Variants in IGFBP3 observed in about 807,000 individuals in gnomAD.
IGFBP3 encodes the protein insulin-like growth factor-binding protein 3.
IGFBP3 carries 9 observed loss-of-function variants against 28.6 expected under a neutral mutation model. The observed-to-expected ratio is 0.31, with a 90% CI of 0.19 to 0.55. IGFBP3 has a LOEUF of 0.55. Among genes scored for constraint, IGFBP3 ranks in the 20% least tolerant of loss-of-function variants. IGFBP3 has a pLI of 0.93. For missense variants in IGFBP3, 382 were observed against 428.9 expected, an observed-to-expected ratio of 0.89 and a Z score of 0.97; for synonymous variants, 185 against 188.2, an observed-to-expected ratio of 0.98 and a Z score of 0.14.
At position 45,920,811 on chromosome 7, in the gene IGFBP3, GC is replaced by G; in HGVS notation, c.329del (p.Gly110AlafsTer63). On this transcript the variant is annotated frameshift_variant, in exon 1 of 5. Coordinates refer to ENST00000613132, the MANE Select transcript of IGFBP3 (RefSeq NM_000598.5). LOFTEE classifies it high-confidence loss of function. Reference protein sequence around the residue: ...EARPLQALLDGRGLCVNASAV... With the variant: ...EARPLQALLDXRGLCVNASAV... Reference sequence around the variant, plus strand: ...CACTAGCGTTGACGCAGAGCCCGCGGCCGTCCAGCAGCGCCTGCAGCGGTCG... The same window carrying G: ...CACTAGCGTTGACGCAGAGCCCGCGGCGTCCAGCAGCGCCTGCAGCGGTCG... 1 of 1,408,896 alleles carries G rather than the reference GC, an allele frequency of 7.1e-7. No homozygotes were observed. The highest frequency in any genetic ancestry group is 9.2e-7 in the Non-Finnish European group (1 of 1,090,390). 87.3% of individuals were successfully genotyped at this position (1,408,896 alleles called of 1,614,324 possible). A position where few individuals can be genotyped will look rare whatever the true frequency, so the allele number is the denominator to read the frequency against.
rs1219681404 is a variant in IGFBP3, at chr7:45,920,414, ATC to A, written c.403+322_403+323del. On this transcript the variant is annotated intron_variant, in intron 1 of 4. Coordinates refer to ENST00000613132, the MANE Select transcript of IGFBP3 (RefSeq NM_000598.5). ...TGCACCCCCGTGCGGGGCGAGGAGA[ATC>A]TCCTGTGTCCAGGATCTTTCCAACA... The A allele has an allele frequency of 1.9e-5, 6 of 312,252 alleles. No individual in the cohort carries two copies. In the South Asian group the frequency reaches 4.8e-4, roughly 25 times the overall value. The allele number at this position is 312,252 out of a possible 1,614,324, so 19.3% of individuals were successfully genotyped here.
chr7:45,913,944 C>G (rs551371622), intron 4 of IGFBP3, 110 bp from the exon 5 acceptor site: 9 of 152,342 alleles, frequency 5.9e-5, no homozygotes, highest in African/African-American at 1.9e-4. Context: ...GGCACTAGGC[C>G]TGCAAGTGCA....
At chr7:45,914,747 G>A (rs1286801947) in intron 4 of IGFBP3, 58 bp downstream of exon 4, 24 of 1,564,048 alleles carry the variant, frequency 1.5e-5, no homozygotes, top group East Asian at 2.3e-5. Context: ...CAGCCCCTGA[G>A]GCTGGTCCAA....
intron 1 of IGFBP3, among the ~76,000 whole-genome samples, chr7:45,919,503 C>T (rs1583672663): frequency 6.6e-6 from 1 of 152,168 alleles, no homozygotes. Flanking sequence ...GTGAACAGAG[C>T]CAGCCTTGCC....
chr7:45,917,288 G>T lies in IGFBP3; in HGVS notation c.555C>A (p.Arg185=). Residue 185 remains arginine (R), a synonymous_variant, in exon 2 of 5, where the codon CGC becomes CGA. Coordinates refer to ENST00000613132, the MANE Select transcript of IGFBP3 (RefSeq NM_000598.5). ...IKKGHAKDSQ[R]YKVDYESQST... is the part of the protein sequence containing the mutation. ...TCTGAGACTCGTAGTCAACTTTGTAGCGCTGGCTGTCTTTAGCATGCCCTT... is the reference window on the plus strand; with the variant it reads ...TCTGAGACTCGTAGTCAACTTTGTATCGCTGGCTGTCTTTAGCATGCCCTT... The T allele has an allele frequency of 7.4e-6, 12 of 1,614,094 alleles. No homozygotes were observed. The highest frequency in any genetic ancestry group is 1.0e-5 in the Non-Finnish European group (12 of 1,180,024).
Position 45,921,172 on chromosome 7 carries a change from G to A in IGFBP3, c.-32C>T. 1 of 1,503,490 alleles carries A rather than the reference G, an allele frequency of 6.7e-7. No homozygotes were observed. Among genetic ancestry groups the A allele is most frequent in the South Asian group, 1.2e-5 (1 of 82,378 alleles). The allele number at this position is 1,503,490 out of a possible 1,614,324, so 93.1% of individuals were successfully genotyped here. ...TGCAACCGGGGCACGCTGCTTGGCA[G>A]GCTGGGCGCGCAGGGATGGGGCGAC... is the stretch of plus-strand genomic sequence containing the variant. On this transcript the variant is annotated 5_prime_UTR_variant, in exon 1 of 5. Transcript: ENST00000613132.
chr7:45,915,120 C>A, intron 3 of IGFBP3, 175 bp from the exon 4 acceptor site: 1 of 646,986 alleles, frequency 1.5e-6, no homozygotes, highest in Non-Finnish European at 2.6e-6. Flanking sequence ...TGAGTGTGCG[C>A]CTGTGCATGC....
At position 45,920,832 on chromosome 7, in the gene IGFBP3, C is replaced by T. The variant is rs1339207962; in HGVS notation, c.309G>A (p.Pro103=). The T allele has an allele frequency of 6.4e-6, 9 of 1,407,754 alleles. No homozygotes were observed. Among genetic ancestry groups the T allele is most frequent in the Non-Finnish European group, 8.3e-6 (9 of 1,089,620 alleles). 87.2% of individuals were successfully genotyped at this position (1,407,754 alleles called of 1,614,324 possible). A position where few individuals can be genotyped will look rare whatever the true frequency, so the allele number is the denominator to read the frequency against. The change falls in exon 1 of 5, where the codon CCG becomes CCA. Residue 103 remains proline (P), a synonymous_variant. Coordinates refer to ENST00000613132, the MANE Select transcript of IGFBP3 (RefSeq NM_000598.5). ...RCQPSPDEAR[P]LQALLDGRGL... is the part of the protein sequence containing the mutation. ...CGCGGCCGTCCAGCAGCGCCTGCAG[C>T]GGTCGCGCCTCGTCGGGCGACGGCT... is the stretch of plus-strand genomic sequence containing the variant.
In IGFBP3 at chr7:45,914,843, A is replaced by C; in HGVS notation, c.853T>G (p.Cys285Gly). 1 of 1,614,138 alleles carries C rather than the reference A, an allele frequency of 6.2e-7. No individual in the cohort carries two copies. Among genetic ancestry groups the C allele is most frequent in the South Asian group, 1.1e-5 (1 of 91,090 alleles). Residue 285 changes from cysteine to glycine, a missense_variant, in exon 4 of 5, where the codon TGC becomes GGC. Physicochemically the swap from Cys to Gly is radical, Grantham distance 159 (BLOSUM62 -3). Transcript: ENST00000613132. ...YTTKGKEDVH[C>G]YSMQSK is the part of the protein sequence containing the mutation. Reference sequence around the variant, plus strand: ...GTCTACTTGCTCTGCATGCTGTAGCAGTGCACGTCCTCCTTCCCCTTGGTG... The same window carrying C: ...GTCTACTTGCTCTGCATGCTGTAGCCGTGCACGTCCTCCTTCCCCTTGGTG...
rs531733785 is a variant in IGFBP3 at position 45,916,480 on chromosome 7, G to A, written c.750+68C>T. ...GAGCTATGGCCAGAAGAGCCTGGGGGCTGGTGAGATGGGTTTCTCCTCTGT... is the reference window on the plus strand; with the variant it reads ...GAGCTATGGCCAGAAGAGCCTGGGGACTGGTGAGATGGGTTTCTCCTCTGT... On this transcript the variant is annotated intron_variant, in intron 3 of 4. Coordinates refer to ENST00000613132, the MANE Select transcript of IGFBP3 (RefSeq NM_000598.5). 35 of 1,517,774 alleles carry A rather than the reference G, an allele frequency of 2.3e-5. No individual in the cohort carries two copies. In the African/African-American group the frequency reaches 2.9e-4, roughly 12 times the overall value. The allele number at this position is 1,517,774 out of a possible 1,614,324, so 94.0% of individuals were successfully genotyped here. A position where few individuals can be genotyped will look rare whatever the true frequency, so the allele number is the denominator to read the frequency against.
intron 1 of IGFBP3, among the ~76,000 whole-genome samples, chr7:45,918,531 C>T (rs1784643434): frequency 6.6e-6 from 1 of 152,244 alleles, no homozygotes; most frequent in Non-Finnish European, 1.5e-5. Flanking sequence ...AGAGCCCATG[C>T]TCCCAGGGCC....
intron 1 of IGFBP3, among the ~76,000 whole-genome samples, chr7:45,919,449 G>A (rs1784655520): frequency 6.6e-6 from 1 of 152,202 alleles, no homozygotes; most frequent in Non-Finnish European, 1.5e-5. Flanking sequence ...GCCAGTGTAT[G>A]TTTCAGGCAT....
chr7:45,917,270 C>T lies in IGFBP3; in HGVS notation c.573G>A (p.Glu191=), dbSNP rs1469410327. ...KDSQRYKVDY[E]SQSTDTQNFS... ...AGTTCTGGGTATCTGTGCTCTGAGACTCGTAGTCAACTTTGTAGCGCTGGC... is the reference window on the plus strand; with the variant it reads ...AGTTCTGGGTATCTGTGCTCTGAGATTCGTAGTCAACTTTGTAGCGCTGGC... Residue 191 remains glutamate, a synonymous_variant, in exon 2 of 5, where the codon GAG becomes GAA. Coordinates refer to ENST00000613132, the MANE Select transcript of IGFBP3 (RefSeq NM_000598.5). 10 of 1,613,960 alleles carry T rather than the reference C, an allele frequency of 6.2e-6. No homozygotes were observed. The highest frequency in any genetic ancestry group is 2.7e-5 in the African/African-American group (2 of 74,902).
At chr7:45,914,699 T>G in intron 4 of IGFBP3, 106 bp downstream of exon 4, 1 of 1,101,958 alleles carries the variant, frequency 9.1e-7, no homozygotes, top group Non-Finnish European at 1.3e-6. Context: ...CTGCAGCTCC[T>G]GGGTCTGTAA....
At position 45,914,849 on chromosome 7, in the gene IGFBP3, C is replaced by T. The variant is rs763660920; in HGVS notation, c.847G>A (p.Val283Met). 1.7e-5 allele frequency: 27 copies of T among 1,614,130 alleles called. No individual in the cohort carries two copies. Among genetic ancestry groups the T allele is most frequent in the Middle Eastern group, 3.3e-4 (2 of 6,062 alleles). Reference sequence around the variant, plus strand: ...TTGCTCTGCATGCTGTAGCAGTGCACGTCCTCCTTCCCCTTGGTGGTGTAG... The same window carrying T: ...TTGCTCTGCATGCTGTAGCAGTGCATGTCCTCCTTCCCCTTGGTGGTGTAG... ...PGYTTKGKED[V>M]HCYSMQSK Residue 283 changes from valine (V) to methionine (M), a missense_variant, in exon 4 of 5, where the codon GTG becomes ATG. Transcript: ENST00000613132.
Position 45,917,127 on chromosome 7 carries a change from T to G in IGFBP3, c.630+86A>C. 3 of 1,112,344 alleles carry G rather than the reference T, an allele frequency of 2.7e-6. No homozygotes were observed. In the South Asian group the frequency reaches 4.1e-5, roughly 15 times the overall value. 68.9% of individuals were successfully genotyped at this position (1,112,344 alleles called of 1,614,324 possible). A position where few individuals can be genotyped will look rare whatever the true frequency, so the allele number is the denominator to read the frequency against. ...CCATCAGCCAGGCGCTGGGGTTTGT[T>G]GAGTAAGAATTGCCCTCAAGAGGCT... On this transcript the variant is annotated intron_variant, in intron 2 of 4. Transcript: ENST00000613132.
chr7:45,917,767 G>A (rs1784633704), intron 1 of IGFBP3, among the ~76,000 whole-genome samples: 2 of 152,210 alleles, frequency 1.3e-5, no homozygotes, highest in Admixed American at 1.3e-4. Flanking sequence ...CCGGCAGGGG[G>A]CAGACCTGAG....
Position 45,917,258 on chromosome 7 carries a change from T to C in IGFBP3, c.585A>G (p.Thr195=). Residue 195 remains threonine, a synonymous_variant, in exon 2 of 5, where the codon ACA becomes ACG. Transcript: ENST00000613132. ...RYKVDYESQS[T]DTQNFSSESK... ...ACTCGGAGGAGAAGTTCTGGGTATC[T>C]GTGCTCTGAGACTCGTAGTCAACTT... is the stretch of plus-strand genomic sequence containing the variant. The C allele has an allele frequency of 1.2e-5, 19 of 1,614,100 alleles. No individual in the cohort carries two copies. The highest frequency in any genetic ancestry group is 1.6e-5 in the Non-Finnish European group (19 of 1,179,976).
intron 2 of IGFBP3, 21 bp from the exon 3 acceptor site, chr7:45,916,688 G>C (rs767267504): frequency 7.5e-6 from 12 of 1,596,896 alleles, no homozygotes; most frequent in Non-Finnish European, 1.0e-5. Flanking sequence ...GGAAGGACCA[G>C]AGCAACAGAG....
Sources: allele counts gnomAD v4.1 joint callset (sites outside exome capture counted in the v4.1 genomes callset), GRCh38; gene constraint gnomAD v4.1.1; transcripts MANE v1.5; gene names NCBI Gene and HGNC (gene_info 2026-07-23, HGNC 2026-07-21).